FRMD4A: variants seen among roughly 807,000 people sequenced by gnomAD.
FRMD4A encodes the protein FERM domain-containing protein 4A.
In FRMD4A, 29 loss-of-function variants were observed where a neutral mutation model predicts 129.1. That is an observed-to-expected ratio of 0.22 (90% CI 0.17 to 0.31). FRMD4A has a LOEUF of 0.31. Among genes scored for constraint, FRMD4A ranks in the 10% least tolerant of loss-of-function variants. FRMD4A has a pLI of 1.00. For missense variants in FRMD4A, 1,272 were observed against 1,375.8 expected, an observed-to-expected ratio of 0.92 and a Z score of 1.19; for synonymous variants, 634 against 571.6, an observed-to-expected ratio of 1.11 and a Z score of -1.56.
At position 13,692,140 on chromosome 10, in the gene FRMD4A, C is replaced by CTTTTTTTTTTTTTTT. The variant is rs747299123; in HGVS notation, c.1117+1743_1117+1757dup. 39 of 100,484 alleles carry CTTTTTTTTTTTTTTT rather than the reference C, an allele frequency of 3.9e-4. 16 individuals are homozygous for CTTTTTTTTTTTTTTT. The highest frequency in any genetic ancestry group is 8.2e-4 in the African/African-American group (20 of 24,450). The allele number at this position is 100,484 out of a possible 1,614,324, so 6.2% of individuals were successfully genotyped here. Reference sequence around the variant, plus strand: ...CTTGAAGCTTATAAAATTTTAGCAGCTTTTTTTTTTTTTTTTTTTTTTTTT... The same window carrying CTTTTTTTTTTTTTTT: ...CTTGAAGCTTATAAAATTTTAGCAGCTTTTTTTTTTTTTTTTTTTTTTTTTTTTTTTTTTTTTTTT... On this transcript the variant is annotated intron_variant, in intron 15 of 24. Coordinates refer to ENST00000357447, the MANE Select transcript of FRMD4A (RefSeq NM_018027.5).
intron 2 of FRMD4A, among the ~76,000 whole-genome samples, chr10:14,031,891 C>T (rs1343874158): frequency 1.3e-5 from 2 of 152,046 alleles, no homozygotes; most frequent in South Asian, 4.2e-4. Context: ...TTTTTCTTCC[C>T]CCATTGCCTT....
intron 2 of FRMD4A, among the ~76,000 whole-genome samples, chr10:14,191,065 AG>A (rs1842302259): frequency 6.6e-6 from 1 of 152,180 alleles, no homozygotes; most frequent in Non-Finnish European, 1.5e-5. Flanking sequence ...AGAGAGTTTT[AG>A]TGTCGCAGTG....
At chr10:14,225,371 T>G (rs565857204) in intron 2 of FRMD4A, among the ~76,000 whole-genome samples, 1 of 152,268 alleles carries the variant, frequency 6.6e-6, no homozygotes, top group Admixed American at 6.5e-5. Context: ...CCAAACTGCT[T>G]CAAAGAAGGC....
At chr10:14,050,877 A>G (rs944825694) in intron 2 of FRMD4A, among the ~76,000 whole-genome samples, 2 of 152,138 alleles carry the variant, frequency 1.3e-5, no homozygotes, top group Admixed American at 6.5e-5. Flanking sequence ...GCTTCTTTAT[A>G]ATAAACTGGT....
intron 6 of FRMD4A, among the ~76,000 whole-genome samples, chr10:13,779,085 A>G (rs533933368): frequency 1.3e-5 from 2 of 152,288 alleles, no homozygotes; most frequent in South Asian, 2.1e-4. Context: ...TTGGGAGGCC[A>G]AGGTGGGTGG....
At chr10:14,327,545 G>C (rs1248998640) in intron 2 of FRMD4A, among the ~76,000 whole-genome samples, 2 of 152,200 alleles carry the variant, frequency 1.3e-5, no homozygotes, top group East Asian at 3.8e-4. Context: ...GGCTAGAATG[G>C]AGCACAGGGC....
chr10:14,171,047 G>A (rs1233967100), intron 2 of FRMD4A, among the ~76,000 whole-genome samples: 3 of 141,838 alleles, frequency 2.1e-5, no homozygotes, highest in East Asian at 4.1e-4. Context: ...TGTTTTTTGC[G>A]AGCCTCATTC....
chr10:13,660,594 C>A, intron 19 of FRMD4A, 41 bp from the exon 20 acceptor site: 1 of 1,297,786 alleles, frequency 7.7e-7, no homozygotes, highest in Non-Finnish European at 1.1e-6. Flanking sequence ...CCCCGGTCAT[C>A]CTTCCCACAG....
intron 3 of FRMD4A, among the ~76,000 whole-genome samples, chr10:13,837,707 A>G (rs2093898005): frequency 6.6e-6 from 1 of 152,230 alleles, no homozygotes; most frequent in Admixed American, 6.5e-5. Context: ...TTCAACAAGA[A>G]GATGTGAATA....
chr10:13,643,725 C>T lies in FRMD4A; in HGVS notation c.*3313G>A, dbSNP rs946145970. ...CTGGGATCTTTTCATTTTGAAAATG[C>T]TTTAATAAGTGTTGACAACACTGTT... On this transcript the variant is annotated 3_prime_UTR_variant, in exon 25 of 25. Coordinates refer to ENST00000357447, the MANE Select transcript of FRMD4A (RefSeq NM_018027.5). The T allele has an allele frequency of 1.3e-5, 2 of 152,616 alleles. No homozygotes were observed. Among genetic ancestry groups the T allele is most frequent in the African/African-American group, 4.8e-5 (2 of 41,438 alleles). 9.5% of individuals were successfully genotyped at this position (152,616 alleles called of 1,614,324 possible). A position where few individuals can be genotyped will look rare whatever the true frequency, so the allele number is the denominator to read the frequency against.
chr10:13,664,113 A>C (rs2082839624), intron 18 of FRMD4A, among the ~76,000 whole-genome samples: 1 of 152,188 alleles, frequency 6.6e-6, no homozygotes, highest in South Asian at 2.1e-4. Context: ...CTGCTGGGGA[A>C]ACTGAGGGGT....
intron 2 of FRMD4A, among the ~76,000 whole-genome samples, chr10:14,276,813 C>CG (rs1397083721): frequency 2.6e-5 from 4 of 152,136 alleles, no homozygotes; most frequent in African/African-American, 9.7e-5. Context: ...ACATTTGTGG[C>CG]AATGTTGCAG....
At chr10:13,966,822 C>G (rs1480077664) in intron 2 of FRMD4A, among the ~76,000 whole-genome samples, 1 of 152,248 alleles carries the variant, frequency 6.6e-6, no homozygotes, top group African/African-American at 2.4e-5. Flanking sequence ...GCGGAACCAA[C>G]CCAAATGCCC....
At chr10:14,188,363 C>T (rs1842212476) in intron 2 of FRMD4A, among the ~76,000 whole-genome samples, 1 of 152,138 alleles carries the variant, frequency 6.6e-6, no homozygotes, top group South Asian at 2.1e-4. Flanking sequence ...CATAGCACTC[C>T]CTATTGAAAA....
At chr10:14,110,696 A>T (rs1195061476) in intron 2 of FRMD4A, among the ~76,000 whole-genome samples, 1 of 152,258 alleles carries the variant, frequency 6.6e-6, no homozygotes, top group Non-Finnish European at 1.5e-5. Context: ...TCTGAAAACC[A>T]CTGCAGAGGC....
chr10:13,903,692 C>A (rs902189195), intron 2 of FRMD4A, among the ~76,000 whole-genome samples: 1 of 150,586 alleles, frequency 6.6e-6, no homozygotes, highest in Non-Finnish European at 1.5e-5. Context: ...GGCAACATAG[C>A]AAGACCCCAT....
intron 2 of FRMD4A, among the ~76,000 whole-genome samples, chr10:14,151,259 C>T (rs1389446169): frequency 6.6e-6 from 1 of 152,158 alleles, no homozygotes; most frequent in Non-Finnish European, 1.5e-5. Context: ...TGTAAGCAAC[C>T]TAAGGGTCCA....
At chr10:14,128,848 C>T (rs1316102955) in intron 2 of FRMD4A, among the ~76,000 whole-genome samples, 1 of 152,110 alleles carries the variant, frequency 6.6e-6, no homozygotes, top group African/African-American at 2.4e-5. Context: ...CTTCCATCTG[C>T]CCTACACTCT....
chr10:13,830,008 C>T (rs2093764164), intron 3 of FRMD4A, among the ~76,000 whole-genome samples: 1 of 152,254 alleles, frequency 6.6e-6, no homozygotes, highest in African/African-American at 2.4e-5. Flanking sequence ...GCAGTGACCT[C>T]ACCTGGGGAT....
Sources: allele counts gnomAD v4.1 joint callset (sites outside exome capture counted in the v4.1 genomes callset), GRCh38; gene constraint gnomAD v4.1.1; transcripts MANE v1.5; gene names NCBI Gene and HGNC (gene_info 2026-07-23, HGNC 2026-07-21).